C8orf76: variants seen among roughly 807,000 people sequenced by gnomAD.
The protein encoded by C8orf76 is uncharacterized protein C8orf76.
C8orf76 carries 46 observed loss-of-function variants against 38.1 expected under a neutral mutation model. That is an observed-to-expected ratio of 1.21 (90% confidence interval 0.95 to 1.54). C8orf76 has a LOEUF of 1.54. Among genes scored for constraint, C8orf76 ranks in the 40% most tolerant of loss-of-function variants. The pLI is 0.00. For synonymous variants in C8orf76, 166 were observed against 167.5 expected (o/e 0.99, Z 0.07); for missense variants, 461 against 441.6 (o/e 1.04, Z -0.39).
intron 2 of C8orf76, chr8:123,238,723 C>G (rs6995021): frequency 5.4e-6 from 1 of 186,746 alleles, no homozygotes; most frequent in African/African-American, 2.3e-5. Flanking sequence ...TTTTCTTATA[C>G]ATTTTGGGGT....
intron 3 of C8orf76, among the ~76,000 whole-genome samples, chr8:123,232,706 A>C (rs1420290135): frequency 1.3e-5 from 2 of 152,234 alleles, no homozygotes; most frequent in Non-Finnish European, 2.9e-5. Flanking sequence ...AAAAGATAGG[A>C]GATAAAGCCC....
Position 123,241,267 on chromosome 8 carries a change from G to C in C8orf76, c.80C>G (p.Pro27Arg). 1.3e-6 allele frequency: 2 copies of C among 1,584,966 alleles called. No individual in the cohort carries two copies. Among genetic ancestry groups the C allele is most frequent in the Non-Finnish European group, 1.7e-6 (2 of 1,169,850 alleles). Residue 27 changes from proline (P) to arginine (R), a missense_variant, in exon 1 of 6, where the codon CCG becomes CGG. Coordinates refer to ENST00000276704, the MANE Select transcript of C8orf76 (RefSeq NM_032847.3). ...FEERPERRSG[P>R]PASYCAKLCE... ...GAGCTTGGCGCAGTAGGACGCGGGC[G>C]GTCCTGACCGCCGCTCCGGCCTCTC...
chr8:123,232,383 CT>C (rs1323888455), intron 3 of C8orf76, among the ~76,000 whole-genome samples: 1 of 152,194 alleles, frequency 6.6e-6, no homozygotes, highest in African/African-American at 2.4e-5. Context: ...TCAGAAAATC[CT>C]TTTCAAATCT....
At chr8:123,221,517 C>T (rs1188663995) in intron 5 of C8orf76, among the ~76,000 whole-genome samples, 2 of 152,128 alleles carry the variant, frequency 1.3e-5, no homozygotes, top group Admixed American at 1.3e-4. Flanking sequence ...CTCACTGTGA[C>T]CTCTGTCTCC....
intron 5 of C8orf76, among the ~76,000 whole-genome samples, chr8:123,223,409 A>T (rs1433009307): frequency 1.3e-5 from 2 of 152,188 alleles, no homozygotes; most frequent in Non-Finnish European, 2.9e-5. Context: ...GGAGTTCGAG[A>T]CCAGCCTGGC....
In C8orf76 at chr8:123,222,778, A is replaced by G. The variant is rs1244034426; in HGVS notation, c.949-2481T>C. On this transcript the variant is annotated intron_variant, in intron 5 of 5. Transcript: ENST00000276704. Reference sequence around the variant, plus strand: ...TTTATCTACCAAGCTACCAATTTTTAAAGTAATATTATTAAGTTAAATTAT... The same window carrying G: ...TTTATCTACCAAGCTACCAATTTTTGAAGTAATATTATTAAGTTAAATTAT... Among the ~76,000 whole-genome samples, 3 of 152,234 alleles carry G rather than the reference A, an allele frequency of 2.0e-5. No homozygotes were observed. The South Asian group carries it at 6.2e-4, about 31-fold the overall frequency.
Position 123,222,028 on chromosome 8 carries a change from G to A in C8orf76, c.949-1731C>T, listed in dbSNP as rs564153896. Reference sequence around the variant, plus strand: ...CGGGGGGTCAGAGTCTCACTCTGTCGCCCAGACTGGAGTGCAGTGGTGCAA... The same window carrying A: ...CGGGGGGTCAGAGTCTCACTCTGTCACCCAGACTGGAGTGCAGTGGTGCAA... On this transcript the variant is annotated intron_variant, in intron 5 of 5. Coordinates refer to ENST00000276704, the MANE Select transcript of C8orf76 (RefSeq NM_032847.3). 2.6e-5 allele frequency among the ~76,000 whole-genome samples: 4 copies of A among 152,078 alleles called. 1 individual carries two copies. The highest frequency in any genetic ancestry group is 4.2e-4 in the South Asian group (2 of 4,810).
At chr8:123,235,644 C>A (rs199924889) in intron 3 of C8orf76, among the ~76,000 whole-genome samples, 1 of 152,168 alleles carries the variant, frequency 6.6e-6, no homozygotes, top group East Asian at 1.9e-4. Flanking sequence ...TTCTGAAAGT[C>A]CAGGGTTTTC....
Position 123,231,830 on chromosome 8 carries a change from A to T in C8orf76, c.358-73T>A, listed in dbSNP as rs982439652. On this transcript the variant is annotated intron_variant, in intron 3 of 5. Transcript: ENST00000276704. Reference sequence around the variant, plus strand: ...TCCATATAAAATGAGAATGCCTAAAAAACCAAGTTGTATATGTTATAAATT... The same window carrying T: ...TCCATATAAAATGAGAATGCCTAAATAACCAAGTTGTATATGTTATAAATT... 8.2e-6 allele frequency: 12 copies of T among 1,457,526 alleles called. No individual in the cohort carries two copies. The East Asian group carries it at 2.7e-4, about 33-fold the overall frequency. The allele number at this position is 1,457,526 out of a possible 1,614,324, so 90.3% of individuals were successfully genotyped here. A position where few individuals can be genotyped will look rare whatever the true frequency, so the allele number is the denominator to read the frequency against.
intron 3 of C8orf76, chr8:123,236,954 C>A (rs575917795): frequency 7.1e-6 from 11 of 1,543,292 alleles, no homozygotes; most frequent in Non-Finnish European, 9.8e-6. Context: ...ACCTGACCAG[C>A]AGCGTCTGAT....
intron 2 of C8orf76, among the ~76,000 whole-genome samples, 169 bp from the exon 3 acceptor site, chr8:123,238,110 T>C (rs951040769): frequency 1.3e-5 from 2 of 152,202 alleles, no homozygotes; most frequent in Non-Finnish European, 2.9e-5. Context: ...TCTAGTGATA[T>C]GGTTTAGCTG....
chr8:123,233,026 T>TC (rs935378243), intron 3 of C8orf76, among the ~76,000 whole-genome samples: 2 of 147,608 alleles, frequency 1.4e-5, no homozygotes, highest in African/African-American at 2.5e-5. Context: ...TTCAAAAACT[T>TC]TTTTTTTTTT....
intron 5 of C8orf76, 200 bp downstream of exon 5, chr8:123,226,300 C>T (rs1373910684): frequency 6.4e-6 from 9 of 1,404,404 alleles, no homozygotes; most frequent in Non-Finnish European, 7.3e-6. Flanking sequence ...TGAAACACAG[C>T]CCCTGCGGTC....
chr8:123,227,087 C>T (rs557306260), intron 4 of C8orf76, among the ~76,000 whole-genome samples: 3 of 152,118 alleles, frequency 2.0e-5, no homozygotes, highest in African/African-American at 7.2e-5. Context: ...GCAACTTGAC[C>T]GCAAGGACTA....
intron 5 of C8orf76, among the ~76,000 whole-genome samples, chr8:123,223,334 G>A (rs1824937477): frequency 6.6e-6 from 1 of 152,212 alleles, no homozygotes; most frequent in Non-Finnish European, 1.5e-5. Flanking sequence ...TTAGCCGGGT[G>A]CAGTGGCTCA....
chr8:123,240,206 A>T (rs1238408138), intron 1 of C8orf76, among the ~76,000 whole-genome samples: 1 of 152,180 alleles, frequency 6.6e-6, no homozygotes, highest in East Asian at 1.9e-4. Context: ...ACTGGAATTC[A>T]AGAGTCCTAT....
chr8:123,235,417 T>C (rs1191202228), intron 3 of C8orf76, among the ~76,000 whole-genome samples: 1 of 151,896 alleles, frequency 6.6e-6, no homozygotes, highest in African/African-American at 2.4e-5. Context: ...AAAACAGATA[T>C]GGGCCAGAGC....
intron 4 of C8orf76, 28 bp downstream of exon 4, chr8:123,231,272 A>C (rs1304559513): frequency 5.1e-6 from 8 of 1,575,816 alleles, no homozygotes; most frequent in Non-Finnish European, 6.9e-6. Flanking sequence ...CTGATTACCA[A>C]GCGTTGCTTA....
intron 1 of C8orf76, 52 bp downstream of exon 1, chr8:123,241,155 CGAGGCCGGGGCCGGGGCCCCGCG>C (rs1825671536): frequency 2.8e-6 from 4 of 1,429,980 alleles, no homozygotes; most frequent in African/African-American, 1.5e-5. Context: ...ACGGAGGGGC[CGAGGCCGGGGCCGGGGCCCCGCG>C]GAGGGCGAGG....
Sources: allele counts gnomAD v4.1 joint callset (sites outside exome capture counted in the v4.1 genomes callset), GRCh38; gene constraint gnomAD v4.1.1; transcripts MANE v1.5; gene names NCBI Gene and HGNC (gene_info 2026-07-23, HGNC 2026-07-21).